Variants in CERKL observed in about 807,000 individuals in gnomAD.
The protein encoded by CERKL is ceramide kinase-like protein.
A neutral mutation model predicts 63.4 loss-of-function variants in CERKL; 61 were observed. The observed-to-expected ratio is 0.96, with a 90% CI of 0.78 to 1.19. The LOEUF (loss-of-function observed/expected upper bound fraction) is 1.19. CERKL is among the 50% of genes most tolerant of loss of function. The pLI, the probability that CERKL is intolerant of heterozygous loss-of-function variation, is 0.00. For synonymous variants in CERKL, 250 were observed against 230.5 expected, an observed-to-expected ratio of 1.08 and a Z score of -0.77; for missense variants, 675 against 655.5, an observed-to-expected ratio of 1.03 and a Z score of -0.33.
intron 2 of CERKL, among the ~76,000 whole-genome samples, chr2:181,576,964 G>C (rs919956006): frequency 2.0e-5 from 3 of 152,148 alleles, no homozygotes; most frequent in East Asian, 3.9e-4. Context: ...ACAATAACAA[G>C]ATCTAAGGAA....
chr2:181,626,863 AG>A (rs1408945926), intron 1 of CERKL, among the ~76,000 whole-genome samples: 1 of 152,262 alleles, frequency 6.6e-6, no homozygotes. Flanking sequence ...AGGGATCTCC[AG>A]CCAGCACTAG....
chr2:181,603,644 G>C (rs2105893533), intron 2 of CERKL, 193 bp downstream of exon 2: 1 of 675,806 alleles, frequency 1.5e-6, no homozygotes, highest in Non-Finnish European at 2.7e-6. Context: ...CAGGATGTAG[G>C]GAAAAATATG....
At chr2:181,562,533 A>G (rs1266461517) in intron 4 of CERKL, among the ~76,000 whole-genome samples, 5 of 152,168 alleles carry the variant, frequency 3.3e-5, no homozygotes, top group Admixed American at 1.3e-4. Context: ...GAAAGGCAAA[A>G]AGCAAAGTAT....
At chr2:181,589,244 T>C (rs943794579) in intron 2 of CERKL, among the ~76,000 whole-genome samples, 2 of 152,220 alleles carry the variant, frequency 1.3e-5, no homozygotes, top group African/African-American at 2.4e-5. Flanking sequence ...ATTTGCCCAA[T>C]TGTATGATGT....
chr2:181,560,187 G>T (rs1005075200), intron 4 of CERKL, among the ~76,000 whole-genome samples: 13 of 152,110 alleles, frequency 8.5e-5, no homozygotes, highest in African/African-American at 2.9e-4. Context: ...TCTAATCTGT[G>T]AACTTAAACG....
At chr2:181,633,826 C>T (rs1427673852) in intron 1 of CERKL, among the ~76,000 whole-genome samples, 3 of 152,166 alleles carry the variant, frequency 2.0e-5, no homozygotes, top group Non-Finnish European at 2.9e-5. Context: ...AGAAATTCCA[C>T]TTCCTTTTTC....
intron 1 of CERKL, among the ~76,000 whole-genome samples, chr2:181,652,255 G>A (rs922595154): frequency 6.6e-6 from 1 of 152,000 alleles, no homozygotes; most frequent in African/African-American, 2.4e-5. Flanking sequence ...CGAAATATAC[G>A]ATAAAACTAT....
chr2:181,578,599 T>C (rs60019876), intron 2 of CERKL, among the ~76,000 whole-genome samples: 56,379 of 151,566 alleles, frequency 0.37, 11,010 homozygotes, highest in African/African-American at 0.45. Context: ...TGTTTGTCCT[T>C]GTCTAGGAAT....
At chr2:181,574,036 T>C (rs1689021346) in intron 2 of CERKL, 152 bp from the exon 3 acceptor site, 1 of 709,198 alleles carries the variant, frequency 1.4e-6, no homozygotes, top group Non-Finnish European at 2.3e-6. Context: ...GTATTCTGAA[T>C]ATAACTTTAT....
intron 12 of CERKL, 135 bp from the exon 13 acceptor site, chr2:181,538,379 A>G (rs1222740585): frequency 1.8e-5 from 11 of 619,290 alleles, no homozygotes; most frequent in Non-Finnish European, 5.9e-6. Context: ...TGTAATCTAG[A>G]AAACTGAGAA....
intron 1 of CERKL, among the ~76,000 whole-genome samples, chr2:181,656,469 A>G (rs1364020514): frequency 1.3e-5 from 2 of 151,936 alleles, no homozygotes; most frequent in Admixed American, 6.5e-5. Context: ...TTTTCTGCTG[A>G]GACTCTGAGC....
intron 3 of CERKL, among the ~76,000 whole-genome samples, chr2:181,571,461 G>T (rs929260570): frequency 2.6e-5 from 4 of 152,108 alleles, no homozygotes; most frequent in Non-Finnish European, 4.4e-5. Context: ...CTCTGCCTTA[G>T]TTCAGGCCTT....
intron 11 of CERKL, among the ~76,000 whole-genome samples, chr2:181,543,978 T>C (rs1469233612): frequency 5.7e-5 from 4 of 69,852 alleles, no homozygotes; most frequent in African/African-American, 2.6e-4. Flanking sequence ...AGCAAGGCTC[T>C]AACTCAAAAA....
Position 181,647,673 on chromosome 2 carries a change from T to C in CERKL, c.238+9096A>G, listed in dbSNP as rs1310845959. Among the ~76,000 whole-genome samples the C allele has an allele frequency of 2.6e-5, 4 of 152,078 alleles. No homozygotes were observed. The South Asian group carries it at 8.3e-4, about 32-fold the overall frequency. ...CAACTGGAAAATGTGACTATTCCAC[T>C]AGATGTGCAGATGTCACAAGAAACA... On this transcript the variant is annotated intron_variant, in intron 1 of 12. Transcript: ENST00000410087.
chr2:181,641,997 T>C (rs546994317), intron 1 of CERKL, among the ~76,000 whole-genome samples: 3 of 152,304 alleles, frequency 2.0e-5, no homozygotes, highest in East Asian at 3.9e-4. Flanking sequence ...TATGATAAAT[T>C]AGTAGACCTG....
chr2:181,598,571 G>A (rs1685321080), intron 2 of CERKL, among the ~76,000 whole-genome samples: 1 of 152,006 alleles, frequency 6.6e-6, no homozygotes, highest in Non-Finnish European at 1.5e-5. Context: ...AGGGCAAGCT[G>A]GTTCTTATTT....
At position 181,548,686 on chromosome 2, in the gene CERKL, T is replaced by C; in HGVS notation, c.1067A>G (p.Lys356Arg). 1.2e-6 allele frequency: 2 copies of C among 1,613,942 alleles called. No individual in the cohort carries two copies. The highest frequency in any genetic ancestry group is 1.7e-6 in the Non-Finnish European group (2 of 1,179,914). Residue 356 changes from lysine to arginine, a missense_variant, in exon 7 of 13, where the codon AAA (lysine) becomes AGA (arginine). Physicochemically the swap from Lys to Arg is conservative, Grantham distance 26 (BLOSUM62 2). Coordinates refer to ENST00000410087, the MANE Select transcript of CERKL (RefSeq NM_201548.5). ...RDFAVVKALA[K>R]LKAEDCEISF... ...GTTTAAGAAAAAGACTTACTTAAGTTTTGCCAGTGCCTTAACAACAGCAAA... is the reference window on the plus strand; with the variant it reads ...GTTTAAGAAAAAGACTTACTTAAGTCTTGCCAGTGCCTTAACAACAGCAAA...
rs148965970 is a variant in CERKL, at chr2:181,628,311, C to G, written c.239-24232G>C. On this transcript the variant is annotated intron_variant, in intron 1 of 12. Transcript: ENST00000410087. ...TTCTCCATAACCCAGTCCTAAGGAG[C>G]TCTGTCGTACTTTACCTATTGGGAG... is the stretch of plus-strand genomic sequence containing the variant. 1.3e-3 allele frequency among the ~76,000 whole-genome samples: 204 copies of G among 152,268 alleles called. 2 individuals carry two copies. In the Middle Eastern group the frequency reaches 0.014, roughly 10 times the overall value.
intron 2 of CERKL, among the ~76,000 whole-genome samples, chr2:181,597,066 A>G (rs866897138): frequency 6.6e-6 from 1 of 152,082 alleles, no homozygotes; most frequent in African/African-American, 2.4e-5. Context: ...TGGCAGTCTA[A>G]TGATAGTTTG....
Sources: gnomAD v4.1 joint callset for allele counts (sites outside exome capture counted in the v4.1 genomes callset) on GRCh38, gnomAD v4.1.1 for gene constraint, MANE v1.5 for transcripts, NCBI Gene and HGNC (gene_info 2026-07-23, HGNC 2026-07-21) for gene names.